The following CTNNBIP1 variants were observed in gnomAD, a reference collection of about 807,000 sequenced individuals.
CTNNBIP1 encodes beta-catenin-interacting protein 1.
Under a neutral mutation model 11.8 loss-of-function variants are expected in CTNNBIP1, and 7 were observed. The observed-to-expected ratio is 0.60, with a 90% CI of 0.34 to 1.12. The LOEUF is 1.12. Among genes scored for constraint, CTNNBIP1 ranks in the 50% most tolerant of loss-of-function variants. CTNNBIP1 has a pLI of 0.03. For synonymous variants in CTNNBIP1, 58 were observed against 43.9 expected, an observed-to-expected ratio of 1.32 and a Z score of -1.26; for missense variants, 101 against 113.4, an observed-to-expected ratio of 0.89 and a Z score of 0.50.
Position 9,867,678 on chromosome 1 carries a change from G to A in CTNNBIP1, c.187+3509C>T, listed in dbSNP as rs1346195587. Among the ~76,000 whole-genome samples the A allele has an allele frequency of 6.6e-6, 1 of 152,170 alleles. No homozygotes were observed. The highest frequency in any genetic ancestry group is 1.5e-5 in the Non-Finnish European group (1 of 68,016). On this transcript the variant is annotated intron_variant, in intron 5 of 5. Transcript: ENST00000377263. This position sits in a 1 kb window ranked among gnomAD's most constrained non-coding sequence, Gnocchi z 4.6. ...GCCACCTAGTGGGCAGGAGGTGCAC[G>A]CCAGGCCATTACCCACAGGCTCCAG...
intron 2 of CTNNBIP1, among the ~76,000 whole-genome samples, chr1:9,882,065 G>C (rs1639093776): frequency 6.6e-6 from 1 of 152,200 alleles, no homozygotes; most frequent in South Asian, 2.1e-4. Flanking sequence ...AAGACCCAGG[G>C]CCTTAAGCCA....
rs1489422315 is a variant in CTNNBIP1 at position 9,871,752 on chromosome 1, G to A, written c.96+217C>T. 1.3e-5 allele frequency among the ~76,000 whole-genome samples: 2 copies of A among 152,134 alleles called. No individual in the cohort carries two copies. The highest frequency in any genetic ancestry group is 2.9e-5 in the Non-Finnish European group (2 of 68,008). On this transcript the variant is annotated intron_variant, in intron 4 of 5. Coordinates refer to ENST00000377263, the MANE Select transcript of CTNNBIP1 (RefSeq NM_020248.3). The surrounding 1 kb of genome is among the most constrained non-coding windows in gnomAD (Gnocchi z 5.2). ...ACCCTCACCCGCCTGGCCCCAATCCGGCAGTGTCGGGTGTCCCCAGAACTT... is the reference window on the plus strand; with the variant it reads ...ACCCTCACCCGCCTGGCCCCAATCCAGCAGTGTCGGGTGTCCCCAGAACTT...
intron 1 of CTNNBIP1, among the ~76,000 whole-genome samples, chr1:9,900,890 C>T (rs1639508739): frequency 6.6e-6 from 1 of 152,226 alleles, no homozygotes; most frequent in Non-Finnish European, 1.5e-5. Context: ...GGAGAAGGAC[C>T]TTCTGCCTCA....
At chr1:9,858,704 C>T (rs781225027) in intron 5 of CTNNBIP1, among the ~76,000 whole-genome samples, 10 of 152,320 alleles carry the variant, frequency 6.6e-5, no homozygotes, top group South Asian at 4.1e-4. Context: ...TCCACTGGAA[C>T]GTACATCTCA....
At chr1:9,879,347 C>T (rs1639036242) in intron 2 of CTNNBIP1, among the ~76,000 whole-genome samples, 1 of 152,142 alleles carries the variant, frequency 6.6e-6, no homozygotes, top group African/African-American at 2.4e-5. Flanking sequence ...CCAATGACAG[C>T]TTGGAAACCC....
chr1:9,879,256 G>A (rs1042297688), intron 2 of CTNNBIP1, among the ~76,000 whole-genome samples: 9 of 152,024 alleles, frequency 5.9e-5, no homozygotes, highest in African/African-American at 2.2e-4. Context: ...ACTACCACAG[G>A]GCTCTCCGCT....
At chr1:9,904,310 C>A (rs983898369) in intron 1 of CTNNBIP1, among the ~76,000 whole-genome samples, 5 of 145,208 alleles carry the variant, frequency 3.4e-5, no homozygotes, top group Non-Finnish European at 7.3e-5. Context: ...GTTAGCAGAG[C>A]AAGTGGCATC....
intron 1 of CTNNBIP1, among the ~76,000 whole-genome samples, chr1:9,905,103 T>C (rs1326824001): frequency 6.6e-6 from 1 of 152,192 alleles, no homozygotes; most frequent in Non-Finnish European, 1.5e-5. Context: ...GTTCTGTCTT[T>C]TAGTGTGGAC....
At chr1:9,861,521 C>G (rs1638625839) in intron 5 of CTNNBIP1, among the ~76,000 whole-genome samples, 1 of 152,214 alleles carries the variant, frequency 6.6e-6, no homozygotes, top group Admixed American at 6.5e-5. Flanking sequence ...GACCAGTGAT[C>G]CACCAGGGTC....
chr1:9,906,573 T>A (rs1188064124), intron 1 of CTNNBIP1, among the ~76,000 whole-genome samples: 7 of 151,516 alleles, frequency 4.6e-5, no homozygotes, highest in African/African-American at 1.7e-4. Flanking sequence ...AAAAAAATAA[T>A]AATAAAGAGC....
chr1:9,872,148 T>A lies in CTNNBIP1; in HGVS notation c.-24-60A>T. On this transcript the variant is annotated intron_variant, in intron 3 of 5. Transcript: ENST00000377263. The surrounding 1 kb of genome is among the most constrained non-coding windows in gnomAD (Gnocchi z 4.0). ...ATCAGGATGTGACATACTGGGACAA[T>A]GACACCTGCTAGTGACCCTCACTCC... The A allele has an allele frequency of 2.0e-6, 2 of 1,014,672 alleles. No homozygotes were observed. Among genetic ancestry groups the A allele is most frequent in the East Asian group, 4.9e-5 (2 of 40,896 alleles). The allele number at this position is 1,014,672 out of a possible 1,614,324, so 62.9% of individuals were successfully genotyped here. A position where few individuals can be genotyped will look rare whatever the true frequency, so the allele number is the denominator to read the frequency against.
intron 2 of CTNNBIP1, among the ~76,000 whole-genome samples, chr1:9,879,581 C>T (rs188326617): frequency 1.4e-4 from 22 of 152,304 alleles, no homozygotes; most frequent in East Asian, 1.9e-4. Context: ...ACTAACCCTA[C>T]GGGAATAGGC....
At chr1:9,878,437 G>A (rs1320838357) in intron 2 of CTNNBIP1, among the ~76,000 whole-genome samples, 2 of 152,158 alleles carry the variant, frequency 1.3e-5, no homozygotes, top group Non-Finnish European at 2.9e-5. Flanking sequence ...TCAGCACCCC[G>A]CAGCCTCTGT....
chr1:9,865,383 G>A (rs958889751), intron 5 of CTNNBIP1, among the ~76,000 whole-genome samples: 16 of 152,108 alleles, frequency 1.1e-4, no homozygotes, highest in Admixed American at 5.2e-4. Flanking sequence ...GGTGGATCAC[G>A]AGGTCAGGAG....
chr1:9,862,824 G>A (rs532675435), intron 5 of CTNNBIP1, among the ~76,000 whole-genome samples: 97 of 152,276 alleles, frequency 6.4e-4, no homozygotes, highest in Non-Finnish European at 9.7e-4. Context: ...AGGAGCTCAC[G>A]GGCAGTGCTG....
chr1:9,879,500 G>A (rs2101500011), intron 2 of CTNNBIP1, among the ~76,000 whole-genome samples: 1 of 152,290 alleles, frequency 6.6e-6, no homozygotes, highest in East Asian at 1.9e-4. Flanking sequence ...TGTTCTGTGT[G>A]TCCCTTTAAC....
At chr1:9,890,796 G>C (rs1639285575) in intron 1 of CTNNBIP1, among the ~76,000 whole-genome samples, 2 of 152,182 alleles carry the variant, frequency 1.3e-5, no homozygotes. Context: ...ACTGGAGGTA[G>C]AGGAACGCTT....
intron 5 of CTNNBIP1, among the ~76,000 whole-genome samples, chr1:9,864,732 G>A (rs1421744400): frequency 2.0e-5 from 3 of 152,248 alleles, no homozygotes; most frequent in Non-Finnish European, 4.4e-5. Context: ...AACTGTACTT[G>A]CTGGGCACCA....
At position 9,871,374 on chromosome 1, in the gene CTNNBIP1, T is replaced by G. The variant is rs1638857764; in HGVS notation, c.97-97A>C. 1 of 904,720 alleles carries G rather than the reference T, an allele frequency of 1.1e-6. No homozygotes were observed. The highest frequency in any genetic ancestry group is 1.7e-5 in the African/African-American group (1 of 60,330). The allele number at this position is 904,720 out of a possible 1,614,324, so 56.0% of individuals were successfully genotyped here. A position where few individuals can be genotyped will look rare whatever the true frequency, so the allele number is the denominator to read the frequency against. On this transcript the variant is annotated intron_variant, in intron 4 of 5. Coordinates refer to ENST00000377263, the MANE Select transcript of CTNNBIP1 (RefSeq NM_020248.3). The surrounding 1 kb of genome is among the most constrained non-coding windows in gnomAD (Gnocchi z 5.2). ...GCACCGCCTAGGCCTGCTTGGTCCC[T>G]GCTTGGTCCCTGCTCGGGCTTCTGT...
Sources: allele counts gnomAD v4.1 joint callset (sites outside exome capture counted in the v4.1 genomes callset), GRCh38; gene constraint gnomAD v4.1.1; non-coding constraint Gnocchi (gnomAD v3.1); transcripts MANE v1.5; gene names NCBI Gene and HGNC (gene_info 2026-07-23, HGNC 2026-07-21).